The following SAMD12 variants were observed in gnomAD, a reference collection of about 807,000 sequenced individuals.
The protein encoded by SAMD12 is sterile alpha motif domain containing 12, also known as sterile alpha motif domain-containing protein 12.
A neutral mutation model predicts 15.0 loss-of-function variants in SAMD12; 9 were observed. The observed-to-expected ratio is 0.60, with a 90% CI of 0.36 to 1.05. The LOEUF is 1.05. Among genes scored for constraint, SAMD12 ranks in the 50% least tolerant of loss-of-function variants. The pLI is 0.01. For missense variants in SAMD12, 230 were observed against 234.2 expected, an observed-to-expected ratio of 0.98 and a Z score of 0.12; for synonymous variants, 86 against 90.1, an observed-to-expected ratio of 0.96 and a Z score of 0.25.
rs541181876 is a variant in SAMD12 at position 118,472,204 on chromosome 8, G to A, written c.193-32243C>T. Among the ~76,000 whole-genome samples, 27 of 151,462 alleles carry A rather than the reference G, an allele frequency of 1.8e-4. No individual in the cohort carries two copies. The South Asian group carries it at 3.6e-3, about 20-fold the overall frequency. Reference sequence around the variant, plus strand: ...CAGGAGGCTGAGGCAGGAGTATGGCGTGAACCCGGGAGGCGGAGCTTGCAG... The same window carrying A: ...CAGGAGGCTGAGGCAGGAGTATGGCATGAACCCGGGAGGCGGAGCTTGCAG... On this transcript the variant is annotated intron_variant, in intron 2 of 3. Coordinates refer to ENST00000314727, the MANE Select transcript of SAMD12 (RefSeq NM_207506.3).
At chr8:118,320,776 C>G (rs1432400139) in intron 4 of SAMD12, among the ~76,000 whole-genome samples, 4 of 150,532 alleles carry the variant, frequency 2.7e-5, no homozygotes, top group Non-Finnish European at 5.9e-5. Flanking sequence ...TGTAACAAAT[C>G]TGCACATTGT....
the SAMD12 span, among the ~76,000 whole-genome samples, chr8:118,167,965 T>C: frequency 1.3e-5 from 2 of 152,108 alleles, no homozygotes; most frequent in African/African-American, 4.8e-5. Context: ...TTGAATTGTA[T>C]CTCCCAGAAT....
At chr8:118,527,754 T>G (rs1825571043) in intron 2 of SAMD12, among the ~76,000 whole-genome samples, 1 of 152,168 alleles carries the variant, frequency 6.6e-6, no homozygotes, top group Admixed American at 6.5e-5. Context: ...TCCTACTTAA[T>G]CTTGAGTTAA....
intron 2 of SAMD12, among the ~76,000 whole-genome samples, chr8:118,565,463 G>A (rs1398903617): frequency 6.6e-6 from 1 of 152,206 alleles, no homozygotes; most frequent in African/African-American, 2.4e-5. Flanking sequence ...ACCAGCAGGG[G>A]CAGGGAAACT....
intron 1 of SAMD12, among the ~76,000 whole-genome samples, chr8:118,609,530 T>C (rs1014530560): frequency 6.6e-6 from 1 of 152,180 alleles, no homozygotes; most frequent in Non-Finnish European, 1.5e-5. Context: ...GTTTGGATTT[T>C]ATTTTATTGG....
chr8:118,230,060 GC>G (rs754400526), intron 4 of SAMD12, among the ~76,000 whole-genome samples: 12 of 152,074 alleles, frequency 7.9e-5, no homozygotes, highest in Non-Finnish European at 1.5e-4. Context: ...TGTGATGGTT[GC>G]CTTGACATCC....
the SAMD12 span, among the ~76,000 whole-genome samples, chr8:118,166,826 T>G: frequency 6.6e-6 from 1 of 152,226 alleles, no homozygotes; most frequent in East Asian, 1.9e-4. Flanking sequence ...TGTGCATGAC[T>G]TAAGACCTCA....
chr8:118,267,421 T>C (rs1353461019), intron 4 of SAMD12, among the ~76,000 whole-genome samples: 1 of 152,076 alleles, frequency 6.6e-6, no homozygotes, highest in Non-Finnish European at 1.5e-5. Context: ...AAAAAAATGC[T>C]CTGAGAAGGC....
At chr8:118,168,062 C>T in the SAMD12 span, among the ~76,000 whole-genome samples, 4 of 152,244 alleles carry the variant, frequency 2.6e-5, no homozygotes, top group East Asian at 7.7e-4. Flanking sequence ...ATAGTGAATA[C>T]GTCTCATGAA....
At chr8:118,169,980 T>C in the SAMD12 span, among the ~76,000 whole-genome samples, 1 of 152,166 alleles carries the variant, frequency 6.6e-6, no homozygotes, top group African/African-American at 2.4e-5. Context: ...TCAAGGAAAT[T>C]TCATGTTTGT....
intron 4 of SAMD12, among the ~76,000 whole-genome samples, chr8:118,365,883 T>C (rs1818739946): frequency 6.6e-6 from 1 of 152,008 alleles, no homozygotes; most frequent in Non-Finnish European, 1.5e-5. Context: ...ATTTTCCTGA[T>C]CCCTTAGAGC....
intron 3 of SAMD12, among the ~76,000 whole-genome samples, chr8:118,404,403 T>C (rs1418332811): frequency 2.6e-5 from 4 of 152,230 alleles, no homozygotes; most frequent in African/African-American, 9.6e-5. Context: ...TTTTTCGGTC[T>C]CATTCTTTCT....
intron 2 of SAMD12, among the ~76,000 whole-genome samples, chr8:118,554,638 G>T (rs1232081619): frequency 1.3e-5 from 2 of 151,518 alleles, no homozygotes; most frequent in African/African-American, 4.9e-5. Context: ...TAACTAACCT[G>T]CACATTGTGC....
At chr8:118,284,415 T>C (rs1201093652) in intron 4 of SAMD12, 4 of 454,728 alleles carry the variant, frequency 8.8e-6, no homozygotes, top group African/African-American at 2.0e-5. Flanking sequence ...TCTGCACAGA[T>C]TGACAAGTGA....
intron 2 of SAMD12, among the ~76,000 whole-genome samples, chr8:118,504,207 T>G (rs1824861255): frequency 6.6e-6 from 1 of 152,182 alleles, no homozygotes; most frequent in South Asian, 2.1e-4. Flanking sequence ...TTGCACTACT[T>G]TCTTCAGCCC....
intron 3 of SAMD12, among the ~76,000 whole-genome samples, chr8:118,426,618 T>C (rs1321739278): frequency 3.9e-5 from 6 of 152,222 alleles, no homozygotes; most frequent in African/African-American, 1.4e-4. Context: ...GTTCATCTGG[T>C]GACAATTTCC....
chr8:118,186,695 T>C (rs1200832294), downstream of SAMD12, among the ~76,000 whole-genome samples: 6 of 152,146 alleles, frequency 3.9e-5, no homozygotes, highest in African/African-American at 1.4e-4. Context: ...AAATTCAATG[T>C]TTACTAGTTT....
At chr8:118,179,569 C>G in the SAMD12 span, among the ~76,000 whole-genome samples, 1 of 151,996 alleles carries the variant, frequency 6.6e-6, no homozygotes, top group African/African-American at 2.4e-5. Context: ...GCACTATCTT[C>G]TTTTAGAGCT....
In SAMD12 at chr8:118,483,231, T is replaced by A. The variant is rs1586753449; in HGVS notation, c.193-43270A>T. 5.9e-5 allele frequency among the ~76,000 whole-genome samples: 9 copies of A among 152,218 alleles called. No individual in the cohort carries two copies. The East Asian group carries it at 1.7e-3, about 29-fold the overall frequency. ...ACAATCAAGACAATAACTGGGAGTG[T>A]TCGAGGTTAAAACACAAACCATCAG... On this transcript the variant is annotated intron_variant, in intron 2 of 3. Coordinates refer to ENST00000314727, the MANE Select transcript of SAMD12 (RefSeq NM_207506.3).
Sources: allele counts gnomAD v4.1 joint callset (sites outside exome capture counted in the v4.1 genomes callset), GRCh38; gene constraint gnomAD v4.1.1; transcripts MANE v1.5; gene names NCBI Gene and HGNC (gene_info 2026-07-23, HGNC 2026-07-21).